Variants in GPATCH11 observed in about 807,000 individuals in gnomAD.
GPATCH11 encodes G-patch domain containing 11, also known as G patch domain-containing protein 11.
GPATCH11 carries 32 observed loss-of-function variants against 44.8 expected under a neutral mutation model. That is an observed-to-expected ratio of 0.71 (90% CI 0.54 to 0.96). The LOEUF is 0.96. Ranked by LOEUF, GPATCH11 falls within the 40% of genes least tolerant of loss-of-function variation. The probability of loss-of-function intolerance (pLI) is 0.00; values close to 1 mark genes in which losing one functional copy is unlikely to be tolerated. For missense variants in GPATCH11, 324 were observed against 303.1 expected, an observed-to-expected ratio of 1.07 and a Z score of -0.51; for synonymous variants, 84 against 94.4, an observed-to-expected ratio of 0.89 and a Z score of 0.64.
At chr2:37,087,017 A>C (rs1362411241) in intron 1 of GPATCH11, among the ~76,000 whole-genome samples, 1 of 152,220 alleles carries the variant, frequency 6.6e-6, no homozygotes, top group African/African-American at 2.4e-5. Context: ...ATCTGGCTTC[A>C]TTCTTCAGAC....
intron 1 of GPATCH11, among the ~76,000 whole-genome samples, chr2:37,085,392 GGTAA>G (rs1299264271): frequency 4.6e-5 from 7 of 152,092 alleles, no homozygotes; most frequent in African/African-American, 1.4e-4. Flanking sequence ...TGATATACTG[GGTAA>G]GTGTTAAACC....
chr2:37,090,568 A>C, intron 3 of GPATCH11, 113 bp from the exon 4 acceptor site: 1 of 611,880 alleles, frequency 1.6e-6, no homozygotes, highest in Non-Finnish European at 2.9e-6. Flanking sequence ...TTCAATTTTG[A>C]ATATCATTGA....
intron 2 of GPATCH11, 37 bp from the exon 3 acceptor site, chr2:37,089,603 T>C (rs1212974609): frequency 1.1e-5 from 15 of 1,361,300 alleles, no homozygotes; most frequent in Non-Finnish European, 1.5e-5. Context: ...AAGAAAACTT[T>C]ATGGACTCAT....
intron 7 of GPATCH11, among the ~76,000 whole-genome samples, chr2:37,094,977 AG>A (rs1290107473): frequency 6.6e-6 from 1 of 152,132 alleles, no homozygotes; most frequent in Admixed American, 6.6e-5. Flanking sequence ...AGATTATTCA[AG>A]AAAGGAAAAC....
chr2:37,093,823 A>G (rs916607081), intron 6 of GPATCH11, among the ~76,000 whole-genome samples: 2 of 152,018 alleles, frequency 1.3e-5, no homozygotes, highest in Admixed American at 6.6e-5. Flanking sequence ...CGCCCAGCTA[A>G]TTTTTGTATT....
At chr2:37,084,606 C>T (rs1672881418) in intron 1 of GPATCH11, 36 bp downstream of exon 1, 1 of 1,226,226 alleles carries the variant, frequency 8.2e-7, no homozygotes, top group African/African-American at 1.6e-5. Flanking sequence ...TGGGGACAAC[C>T]GGTAGAATGA....
At chr2:37,088,760 G>A (rs928274116) in intron 2 of GPATCH11, among the ~76,000 whole-genome samples, 8 of 152,142 alleles carry the variant, frequency 5.3e-5, no homozygotes, top group African/African-American at 1.4e-4. Flanking sequence ...GGGCTCAGGC[G>A]ATCCTCCGGC....
intron 2 of GPATCH11, among the ~76,000 whole-genome samples, chr2:37,089,404 T>C (rs1170769510): frequency 6.6e-6 from 1 of 151,776 alleles, no homozygotes; most frequent in African/African-American, 2.4e-5. Context: ...CCGTCTCTAC[T>C]AAAAATACAA....
chr2:37,096,167 G>A (rs986963318), intron 8 of GPATCH11, 41 bp from the exon 9 acceptor site: 1 of 1,205,550 alleles, frequency 8.3e-7, no homozygotes, highest in South Asian at 1.4e-5. Flanking sequence ...GTTTACTGTA[G>A]AAGTTGTATT....
chr2:37,090,616 A>G (rs889621942), intron 3 of GPATCH11, 65 bp from the exon 4 acceptor site: 13 of 843,822 alleles, frequency 1.5e-5, no homozygotes, highest in African/African-American at 1.5e-4. Flanking sequence ...GTAAAGTTGC[A>G]TACTTATACT....
intron 2 of GPATCH11, among the ~76,000 whole-genome samples, chr2:37,089,292 C>T (rs1358089121): frequency 6.6e-6 from 1 of 152,100 alleles, no homozygotes; most frequent in Non-Finnish European, 1.5e-5. Context: ...CTTGGCCAGG[C>T]GTGGAAGCTC....
At position 37,095,463 on chromosome 2, in the gene GPATCH11, T is replaced by G; in HGVS notation, c.681T>G (p.Thr227=). ...LSVLEKLQIL[T]SYLREEHLYC... ...TACTGGAAAAATTACAAATATTGACTAGTTATTTAAGAGAAGAACATCTAT... is the reference window on the plus strand; with the variant it reads ...TACTGGAAAAATTACAAATATTGACGAGTTATTTAAGAGAAGAACATCTAT... The change falls in exon 8 of 9, where the codon ACT becomes ACG. Residue 227 remains threonine (T), a synonymous_variant. Coordinates refer to ENST00000674370, the MANE Select transcript of GPATCH11 (RefSeq NM_174931.4). 6.2e-7 allele frequency: 1 copy of G among 1,606,776 alleles called. No individual in the cohort carries two copies. Among genetic ancestry groups the G allele is most frequent in the Non-Finnish European group, 8.5e-7 (1 of 1,176,926 alleles).
intron 1 of GPATCH11, among the ~76,000 whole-genome samples, chr2:37,087,961 G>A (rs887423878): frequency 1.3e-5 from 2 of 152,188 alleles, no homozygotes; most frequent in Admixed American, 1.3e-4. Flanking sequence ...TGGATGGGGT[G>A]CAGAGAATGG....
chr2:37,095,313 C>G (rs1266907251), intron 7 of GPATCH11, 124 bp from the exon 8 acceptor site: 1 of 1,205,338 alleles, frequency 8.3e-7, no homozygotes, highest in African/African-American at 1.6e-5. Flanking sequence ...CTTGACATTT[C>G]TAATAACTAT....
rs189982802 is a variant in GPATCH11, at chr2:37,092,314, C to T, written c.540+59C>T. 60 of 417,840 alleles carry T rather than the reference C, an allele frequency of 1.4e-4. No individual in the cohort carries two copies. The East Asian group carries it at 2.8e-3, about 19-fold the overall frequency. 25.9% of individuals were successfully genotyped at this position (417,840 alleles called of 1,614,324 possible). A position where few individuals can be genotyped will look rare whatever the true frequency, so the allele number is the denominator to read the frequency against. ...TGTTTTGGCACCCCCTGTGATTTCCCGTTTATTTATTATATATATATATAT... is the reference window on the plus strand; with the variant it reads ...TGTTTTGGCACCCCCTGTGATTTCCTGTTTATTTATTATATATATATATAT... On this transcript the variant is annotated intron_variant, in intron 6 of 8. Coordinates refer to ENST00000674370, the MANE Select transcript of GPATCH11 (RefSeq NM_174931.4).
intron 8 of GPATCH11, among the ~76,000 whole-genome samples, chr2:37,095,769 A>T (rs1673546333): frequency 6.6e-6 from 1 of 152,192 alleles, no homozygotes; most frequent in South Asian, 2.1e-4. Context: ...ATAACCTGAG[A>T]ATGATGAATG....
At chr2:37,086,863 T>C (rs1051577614) in intron 1 of GPATCH11, among the ~76,000 whole-genome samples, 2 of 152,208 alleles carry the variant, frequency 1.3e-5, no homozygotes, top group Non-Finnish European at 2.9e-5. Context: ...AGTGTAATTG[T>C]CTAGACACTT....
In GPATCH11 at chr2:37,084,549, G is replaced by C. The variant is rs1456370771; in HGVS notation, c.-35G>C. The stretch of plus-strand genomic sequence containing the variant: ...AGCGCGCGCTCTACGGCGCTGAACC[G>C]GGGCGAGCAGAGAGCTGTCAGGTAA... On this transcript the variant is annotated 5_prime_UTR_variant, in exon 1 of 9. Coordinates refer to ENST00000674370, the MANE Select transcript of GPATCH11 (RefSeq NM_174931.4). The C allele has an allele frequency of 1.6e-6, 2 of 1,231,412 alleles. No individual in the cohort carries two copies. The highest frequency in any genetic ancestry group is 1.6e-5 in the African/African-American group (1 of 63,568). 76.3% of individuals were successfully genotyped at this position (1,231,412 alleles called of 1,614,324 possible). A position where few individuals can be genotyped will look rare whatever the true frequency, so the allele number is the denominator to read the frequency against.
At position 37,094,139 on chromosome 2, in the gene GPATCH11, G is replaced by C. The variant is rs764324771; in HGVS notation, c.598G>C (p.Glu200Gln). 1.4e-5 allele frequency: 22 copies of C among 1,587,412 alleles called. No individual in the cohort carries two copies. Among genetic ancestry groups the C allele is most frequent in the Non-Finnish European group, 1.9e-5 (22 of 1,166,058 alleles). The change falls in exon 7 of 9, where the codon GAA becomes CAA. Residue 200 changes from glutamate (E) to glutamine (Q), a missense_variant. By Grantham distance (29) the Glu-to-Gln change is conservative. Transcript: ENST00000674370. ...YWLRLEEETE[E>Q]DEEEKEQDED... ...GTTGAGGCTTGAAGAGGAGACTGAAGAAGATGAAGAAGAAAAAGAACAGGA... is the reference window on the plus strand; with the variant it reads ...GTTGAGGCTTGAAGAGGAGACTGAACAAGATGAAGAAGAAAAAGAACAGGA...
Sources: gnomAD v4.1 joint callset for allele counts (sites outside exome capture counted in the v4.1 genomes callset) on GRCh38, gnomAD v4.1.1 for gene constraint, MANE v1.5 for transcripts, NCBI Gene and HGNC (gene_info 2026-07-23, HGNC 2026-07-21) for gene names.